The following FCHSD2 variants were observed in gnomAD, a reference collection of about 807,000 sequenced individuals.
The protein encoded by FCHSD2 is F-BAR and double SH3 domains protein 2.
In FCHSD2, 38 loss-of-function variants were observed where a neutral mutation model predicts 108.1. The ratio of observed to expected loss-of-function variants is 0.35; its 90% CI spans 0.27 to 0.46. The LOEUF is 0.46. FCHSD2 is among the 20% of genes least tolerant of loss of function. FCHSD2 has a pLI of 1.00. For synonymous variants in FCHSD2, 279 were observed against 314.7 expected, an observed-to-expected ratio of 0.89 and a Z score of 1.20; for missense variants, 751 against 897.8, an observed-to-expected ratio of 0.84 and a Z score of 2.09.
intron 3 of FCHSD2, among the ~76,000 whole-genome samples, chr11:73,076,938 G>T (rs959010372): frequency 6.6e-6 from 1 of 151,038 alleles, no homozygotes; most frequent in African/African-American, 2.4e-5. Flanking sequence ...GTGAAACCCC[G>T]TCTCTACTAA....
intron 3 of FCHSD2, among the ~76,000 whole-genome samples, chr11:73,050,610 A>G (rs946494290): frequency 4.6e-5 from 7 of 152,180 alleles, no homozygotes; most frequent in African/African-American, 7.2e-5. Context: ...AGGTGAACAA[A>G]TAAGACATAA....
rs1247741636 is a variant in FCHSD2, at chr11:72,909,672, C to T, written c.829-7034G>A. Among the ~76,000 whole-genome samples the T allele has an allele frequency of 4.7e-5, 7 of 150,260 alleles. No homozygotes were observed. In the South Asian group the frequency reaches 8.4e-4, roughly 18 times the overall value. The stretch of plus-strand genomic sequence containing the variant: ...GCCACCCTGTCTGGGAAGTGGGGAG[C>T]GCCTCTGCCTGGCCGCCCCGTCTGG... On this transcript the variant is annotated intron_variant, in intron 9 of 19. Transcript: ENST00000409418.
At chr11:73,080,809 T>C (rs1349735635) in intron 3 of FCHSD2, among the ~76,000 whole-genome samples, 6 of 152,010 alleles carry the variant, frequency 3.9e-5, no homozygotes, top group African/African-American at 1.5e-4. Context: ...CCAGGTGTGA[T>C]GGCAGGCACC....
intron 13 of FCHSD2, among the ~76,000 whole-genome samples, chr11:72,850,271 G>T (rs947087972): frequency 2.0e-5 from 3 of 151,876 alleles, no homozygotes; most frequent in African/African-American, 7.3e-5. Context: ...CACCATGTTG[G>T]CCAGGCTGGT....
At chr11:72,860,060 G>C (rs1456996286) in intron 13 of FCHSD2, among the ~76,000 whole-genome samples, 1 of 152,148 alleles carries the variant, frequency 6.6e-6, no homozygotes, top group African/African-American at 2.4e-5. Context: ...CTCATAAGGA[G>C]GGTCCAACCT....
intron 12 of FCHSD2, among the ~76,000 whole-genome samples, chr11:72,880,273 C>T (rs994234879): frequency 1.3e-5 from 2 of 152,110 alleles, no homozygotes; most frequent in South Asian, 4.1e-4. Flanking sequence ...AAAAAAAAAT[C>T]CTAAAATTTG....
chr11:73,090,745 T>C (rs1045886313), intron 2 of FCHSD2, among the ~76,000 whole-genome samples: 3 of 152,156 alleles, frequency 2.0e-5, no homozygotes, highest in African/African-American at 4.8e-5. Context: ...TATGTGCATA[T>C]ATATAATGCA....
At chr11:73,002,226 A>G (rs1857639663) in intron 4 of FCHSD2, among the ~76,000 whole-genome samples, 1 of 152,196 alleles carries the variant, frequency 6.6e-6, no homozygotes, top group South Asian at 2.1e-4. Context: ...AAAGGAAAAA[A>G]CTTGATAAAC....
At chr11:73,068,243 T>C (rs1274667502) in intron 3 of FCHSD2, among the ~76,000 whole-genome samples, 2 of 151,702 alleles carry the variant, frequency 1.3e-5, no homozygotes, top group African/African-American at 4.8e-5. Context: ...AATATGCCAT[T>C]ATGTGCATGT....
intron 12 of FCHSD2, among the ~76,000 whole-genome samples, chr11:72,882,580 T>C (rs895661949): frequency 6.6e-6 from 1 of 152,224 alleles, no homozygotes; most frequent in African/African-American, 2.4e-5. Flanking sequence ...TCTGAGGTGA[T>C]AGATATCTTA....
Position 73,082,075 on chromosome 11 carries a change from T to C in FCHSD2, c.165+1620A>G, listed in dbSNP as rs370353231. The stretch of plus-strand genomic sequence containing the variant: ...AAAATCGGCTGGGCGCGGTGGCTCA[T>C]GCCTGTAATCCCAGCACTTTGGGAG... On this transcript the variant is annotated intron_variant, in intron 3 of 19. Coordinates refer to ENST00000409418, the MANE Select transcript of FCHSD2 (RefSeq NM_014824.3). Among the ~76,000 whole-genome samples, 425 of 151,532 alleles carry C rather than the reference T, an allele frequency of 2.8e-3. 1 individual carries two copies. Among genetic ancestry groups the C allele is most frequent in the African/African-American group, 9.8e-3 (405 of 41,314 alleles).
At chr11:72,876,300 C>T (rs920961334) in intron 12 of FCHSD2, among the ~76,000 whole-genome samples, 7 of 151,854 alleles carry the variant, frequency 4.6e-5, no homozygotes, top group Admixed American at 1.3e-4. Context: ...GTCCAGCCTG[C>T]GAGACAGAGT....
intron 13 of FCHSD2, among the ~76,000 whole-genome samples, chr11:72,867,109 C>T (rs1274666236): frequency 6.6e-6 from 1 of 152,162 alleles, no homozygotes; most frequent in African/African-American, 2.4e-5. Flanking sequence ...AAGGCAAGTT[C>T]AAACTGTAAT....
chr11:72,843,218 C>T lies in FCHSD2; in HGVS notation c.1638G>A (p.Arg546=), dbSNP rs1183975283. 1.2e-6 allele frequency: 2 copies of T among 1,613,990 alleles called. No individual in the cohort carries two copies. The highest frequency in any genetic ancestry group is 3.3e-5 in the Admixed American group (2 of 60,026). Residue 546 remains arginine (R), a synonymous_variant, in exon 16 of 20, where the codon CGG becomes CGA. Coordinates refer to ENST00000409418, the MANE Select transcript of FCHSD2 (RefSeq NM_014824.3). ...MLQSLAALDS[R]SHTSSNSTEA... ...CCGTGGAATTGCTGGACGTGTGTGA[C>T]CGACTGTCCAAAGCGGCCAGGGACT...
At chr11:72,904,992 G>A (rs1006784721) in intron 9 of FCHSD2, among the ~76,000 whole-genome samples, 2 of 152,166 alleles carry the variant, frequency 1.3e-5, no homozygotes, top group African/African-American at 4.8e-5. Context: ...TCTTGGGAAG[G>A]TAACGTTTAC....
intron 12 of FCHSD2, among the ~76,000 whole-genome samples, chr11:72,871,942 C>T (rs1854868696): frequency 6.6e-6 from 1 of 151,764 alleles, no homozygotes; most frequent in Admixed American, 6.6e-5. Context: ...GAGTTGATAT[C>T]AAAAACAATT....
intron 12 of FCHSD2, among the ~76,000 whole-genome samples, chr11:72,883,995 C>A (rs1450612108): frequency 6.6e-6 from 1 of 151,436 alleles, no homozygotes; most frequent in Admixed American, 6.6e-5. Context: ...AAAAAATACC[C>A]ATTCACCACC....
chr11:72,840,906 G>C lies in FCHSD2; in HGVS notation c.2110C>G (p.Pro704Ala). 1.2e-6 allele frequency: 2 copies of C among 1,613,182 alleles called. No homozygotes were observed. Among genetic ancestry groups the C allele is most frequent in the Non-Finnish European group, 1.7e-6 (2 of 1,179,186 alleles). The change falls in exon 19 of 20, where the codon CCT becomes GCT. Residue 704 changes from proline (P) to alanine (A), a missense_variant. By Grantham distance (27) the Pro-to-Ala change is conservative (BLOSUM62 -1). Transcript: ENST00000409418. ...PGFSQASRHT[P>A]ETSYGKLRPV... ...CGCAGTTTGCCATATGAGGTCTCAG[G>C]AGTATGCCTTGATGCCTGTGAGAAT...
chr11:72,961,302 T>C (rs1480803773), intron 8 of FCHSD2, among the ~76,000 whole-genome samples: 11 of 152,034 alleles, frequency 7.2e-5, no homozygotes, highest in Non-Finnish European at 1.3e-4. Context: ...TAGCTCACTA[T>C]AGCCTCGAAC....
Sources: gnomAD v4.1 joint callset for allele counts (sites outside exome capture counted in the v4.1 genomes callset) on GRCh38, gnomAD v4.1.1 for gene constraint, MANE v1.5 for transcripts, NCBI Gene and HGNC (gene_info 2026-07-23, HGNC 2026-07-21) for gene names.